Variants in MARK3 observed in about 807,000 individuals in gnomAD.
MARK3 encodes the protein MAP/microtubule affinity-regulating kinase 3.
Under a neutral mutation model 90.1 loss-of-function variants are expected in MARK3, and 46 were observed. The observed-to-expected ratio is 0.51, with a 90% CI of 0.40 to 0.65. MARK3 has a LOEUF of 0.65. MARK3 is among the 30% of genes least tolerant of loss of function. The pLI, the probability that MARK3 is intolerant of heterozygous loss-of-function variation, is 0.00. For missense variants in MARK3, 818 were observed against 947.2 expected (o/e 0.86, Z 1.79); for synonymous variants, 321 against 332.6 (o/e 0.97, Z 0.38).
intron 15 of MARK3, among the ~76,000 whole-genome samples, chr14:103,494,562 AAAAG>A (rs1259894502): frequency 6.6e-6 from 1 of 151,748 alleles, no homozygotes; most frequent in African/African-American, 2.4e-5. Context: ...AAAAAAAAAA[AAAAG>A]ACTAGCATTG....
intron 3 of MARK3, among the ~76,000 whole-genome samples, chr14:103,443,239 T>C (rs1186789493): frequency 1.3e-5 from 2 of 152,216 alleles, no homozygotes; most frequent in Non-Finnish European, 2.9e-5. Flanking sequence ...TTGCCAAACC[T>C]GGAATTCATG....
chr14:103,457,260 C>A, intron 6 of MARK3, 48 bp downstream of exon 6: 1 of 1,365,932 alleles, frequency 7.3e-7, no homozygotes, highest in Non-Finnish European at 1.0e-6. Context: ...ATTTATCTCA[C>A]TTAAACCCTG....
At position 103,396,898 on chromosome 14, in the gene MARK3, G is replaced by A. The variant is rs1438156742; in HGVS notation, c.52-8178G>A. Among the ~76,000 whole-genome samples, 5 of 152,086 alleles carry A rather than the reference G, an allele frequency of 3.3e-5. No homozygotes were observed. In the South Asian group the frequency reaches 8.3e-4, roughly 25 times the overall value. ...TGTGGGGCTACCAAGCACTTGAAAC[G>A]TGGTTAGTTTGAATTTAGGTGTTCT... On this transcript the variant is annotated intron_variant, in intron 1 of 17. Transcript: ENST00000429436.
intron 1 of MARK3, among the ~76,000 whole-genome samples, chr14:103,401,345 C>T (rs1344842921): frequency 4.6e-5 from 7 of 152,130 alleles, no homozygotes; most frequent in Admixed American, 3.9e-4. Flanking sequence ...AAGTTTCTTT[C>T]TGCTTTCTAT....
intron 7 of MARK3, among the ~76,000 whole-genome samples, chr14:103,463,147 CTT>C (rs34014267): frequency 0.33 from 49,532 of 149,184 alleles, 8,496 homozygotes; most frequent in Middle Eastern, 0.46. Flanking sequence ...GTCTATATAC[CTT>C]TTTTTTTTTT....
Position 103,385,962 on chromosome 14 carries a change from C to A in MARK3, c.-68C>A. 1.5e-6 allele frequency: 2 copies of A among 1,338,922 alleles called. No individual in the cohort carries two copies. Among genetic ancestry groups the A allele is most frequent in the South Asian group, 2.4e-5 (2 of 85,100 alleles). 82.9% of individuals were successfully genotyped at this position (1,338,922 alleles called of 1,614,324 possible). On this transcript the variant is annotated 5_prime_UTR_variant, in exon 1 of 18. Coordinates refer to ENST00000429436, the MANE Select transcript of MARK3 (RefSeq NM_001128918.3). ...CTGCCGTGGACTCGAGGACGCTGGT[C>A]GCCGGCCTCCTAGGGCTGTGCTGTT... is the stretch of plus-strand genomic sequence containing the variant.
At chr14:103,404,957 T>C (rs751323218) in intron 1 of MARK3, 119 bp from the exon 2 acceptor site, 36 of 667,134 alleles carry the variant, frequency 5.4e-5, no homozygotes, top group Non-Finnish European at 8.3e-5. Flanking sequence ...TTTGAAGTGC[T>C]AGATACTTTA....
chr14:103,500,495 C>T (rs2075601863), intron 17 of MARK3, among the ~76,000 whole-genome samples: 2 of 152,196 alleles, frequency 1.3e-5, no homozygotes, highest in Admixed American at 1.3e-4. Context: ...GAGAAATAAG[C>T]CCTCAGTTCA....
chr14:103,437,351 G>A (rs759734716), intron 3 of MARK3, among the ~76,000 whole-genome samples: 7 of 150,390 alleles, frequency 4.7e-5, no homozygotes, highest in Admixed American at 6.6e-5. Flanking sequence ...CCGAGATCAC[G>A]CCACTGCACT....
chr14:103,439,971 G>A (rs1450245830), intron 3 of MARK3, among the ~76,000 whole-genome samples: 1 of 151,698 alleles, frequency 6.6e-6, no homozygotes, highest in Non-Finnish European at 1.5e-5. Context: ...TTTTAGTAGA[G>A]ACGGGTTTTC....
chr14:103,486,627 A>G (rs930198404), intron 14 of MARK3, among the ~76,000 whole-genome samples: 5 of 151,384 alleles, frequency 3.3e-5, no homozygotes, highest in African/African-American at 1.2e-4. Flanking sequence ...TTCGAATTTC[A>G]TAACAATTAG....
At chr14:103,394,140 T>G (rs547196708) in intron 1 of MARK3, among the ~76,000 whole-genome samples, 5 of 152,276 alleles carry the variant, frequency 3.3e-5, no homozygotes, top group African/African-American at 9.6e-5. Context: ...ACTTGTGGCT[T>G]TGGTTAAAAA....
intron 3 of MARK3, among the ~76,000 whole-genome samples, chr14:103,434,425 C>T (rs1013197583): frequency 3.3e-5 from 5 of 152,302 alleles, no homozygotes; most frequent in South Asian, 4.1e-4. Flanking sequence ...ATTTTAGCTA[C>T]AGCATGATCC....
chr14:103,393,163 G>A (rs1489668100), intron 1 of MARK3, among the ~76,000 whole-genome samples: 2 of 151,920 alleles, frequency 1.3e-5, no homozygotes, highest in Non-Finnish European at 2.9e-5. Flanking sequence ...TTGTATTTTC[G>A]GTAGAGACTG....
chr14:103,412,662 A>G (rs1176157917), intron 2 of MARK3: 16 of 993,100 alleles, frequency 1.6e-5, no homozygotes, highest in Middle Eastern at 5.3e-4. Context: ...CTGATCTGCA[A>G]CTCCACCATC....
chr14:103,487,006 C>T (rs923713321), intron 14 of MARK3, among the ~76,000 whole-genome samples: 4 of 151,762 alleles, frequency 2.6e-5, no homozygotes, highest in African/African-American at 4.8e-5. Flanking sequence ...CAGCTACCAC[C>T]CCCGGGTTTA....
intron 11 of MARK3, chr14:103,467,794 T>G: frequency 2.9e-6 from 1 of 347,276 alleles, no homozygotes; most frequent in Non-Finnish European, 5.2e-6. Flanking sequence ...AAATACAACA[T>G]TTAAAGTTAT....
intron 12 of MARK3, 90 bp downstream of exon 12, chr14:103,468,276 C>T: frequency 4.3e-6 from 3 of 695,316 alleles, no homozygotes; most frequent in South Asian, 6.6e-5. Context: ...CAGAGCCTGG[C>T]TTGATGTCCT....
rs1445079763 is a variant in MARK3, at chr14:103,393,778, G to C, written c.51+7698G>C. The stretch of plus-strand genomic sequence containing the variant: ...ATTTTATTACTTTTTTTTTTTTTTT[G>C]AGACAGAGTTTCACTCTTGTTGCCA... On this transcript the variant is annotated intron_variant, in intron 1 of 17. Coordinates refer to ENST00000429436, the MANE Select transcript of MARK3 (RefSeq NM_001128918.3). Among the ~76,000 whole-genome samples the C allele has an allele frequency of 4.9e-5, 6 of 122,540 alleles. No individual in the cohort carries two copies. The Admixed American group carries it at 4.9e-4, about 10-fold the overall frequency. The allele number at this position is 122,540 out of a possible 152,430, so 80.4% of individuals were successfully genotyped here.
Sources: gnomAD v4.1 joint callset for allele counts (sites outside exome capture counted in the v4.1 genomes callset) on GRCh38, gnomAD v4.1.1 for gene constraint, MANE v1.5 for transcripts, NCBI Gene and HGNC (gene_info 2026-07-23, HGNC 2026-07-21) for gene names.